TOGARAM2: variants seen among roughly 807,000 people sequenced by gnomAD.
The protein encoded by TOGARAM2 is TOG array regulator of axonemal microtubules 2.
TOGARAM2 carries 85 observed loss-of-function variants against 93.3 expected under a neutral mutation model. That is an observed-to-expected ratio of 0.91 (90% CI 0.76 to 1.09). The LOEUF is 1.09. TOGARAM2 is among the 50% of genes least tolerant of loss of function. The pLI is 0.00. For missense variants in TOGARAM2, 1,277 were observed against 1,334.5 expected (o/e 0.96, Z 0.67); for synonymous variants, 593 against 552.8 (o/e 1.07, Z -1.02).
chr2:29,028,591 T>A (rs1414367794), intron 14 of TOGARAM2, among the ~76,000 whole-genome samples: 2 of 151,852 alleles, frequency 1.3e-5, no homozygotes, highest in East Asian at 3.9e-4. Flanking sequence ...TGAGTTTGAG[T>A]GTTTCTTTAC....
upstream of TOGARAM2, among the ~76,000 whole-genome samples, chr2:28,977,843 G>A (rs993731917): frequency 6.6e-6 from 1 of 152,146 alleles, no homozygotes; most frequent in Non-Finnish European, 1.5e-5. Flanking sequence ...GAGTCAGTAA[G>A]GACTCCCCTT....
chr2:28,989,691 C>T (rs1365683980), intron 1 of TOGARAM2, among the ~76,000 whole-genome samples: 2 of 152,190 alleles, frequency 1.3e-5, no homozygotes, highest in Non-Finnish European at 2.9e-5. Flanking sequence ...AGGTGTGAGC[C>T]ACCATGCCCA....
intron 1 of TOGARAM2, chr2:28,972,316 C>G (rs1366197195): frequency 6.6e-6 from 1 of 152,118 alleles, no homozygotes; most frequent in Non-Finnish European, 1.5e-5. Flanking sequence ...TTTGCTCTTT[C>G]GTCACTGAAC....
At chr2:29,006,134 T>TGC (rs1663793871) in intron 6 of TOGARAM2, among the ~76,000 whole-genome samples, 3 of 137,386 alleles carry the variant, frequency 2.2e-5, no homozygotes, top group Admixed American at 1.5e-4. Context: ...TGCATGTGTG[T>TGC]GAGAGCATGC....
intron 10 of TOGARAM2, 93 bp from the exon 11 acceptor site, chr2:29,022,065 C>A: frequency 6.5e-7 from 1 of 1,543,968 alleles, no homozygotes; most frequent in Non-Finnish European, 8.9e-7. Context: ...GGTGGTGGCA[C>A]GGCCTCCCAT....
Position 28,987,451 on chromosome 2 carries a change from A to G in TOGARAM2, c.-111+5913A>G, listed in dbSNP as rs144040062. Among the ~76,000 whole-genome samples the G allele has an allele frequency of 1.2e-4, 18 of 152,134 alleles. No homozygotes were observed. In the East Asian group the frequency reaches 2.5e-3, roughly 21 times the overall value. Reference sequence around the variant, plus strand: ...ACCGCAGGCATCCACCACCACGCCCAGCTAATTTTTTGTATTTTTAGTAGA... The same window carrying G: ...ACCGCAGGCATCCACCACCACGCCCGGCTAATTTTTTGTATTTTTAGTAGA... On this transcript the variant is annotated intron_variant, in intron 1 of 19. Coordinates refer to ENST00000379558, the MANE Select transcript of TOGARAM2 (RefSeq NM_199280.4).
At chr2:28,961,315 G>C (rs1174586995) in intron 1 of TOGARAM2, among the ~76,000 whole-genome samples, 1 of 152,044 alleles carries the variant, frequency 6.6e-6, no homozygotes, top group Non-Finnish European at 1.5e-5. Flanking sequence ...TTTAAAAAAA[G>C]CTTTGAGGTA....
intron 14 of TOGARAM2, among the ~76,000 whole-genome samples, chr2:29,027,412 C>T (rs572151182): frequency 8.3e-4 from 126 of 151,988 alleles, no homozygotes; most frequent in African/African-American, 1.5e-3. Context: ...ACTTCCTAGT[C>T]GAGGGAGACA....
chr2:29,038,862 A>C (rs1354713996), intron 18 of TOGARAM2, among the ~76,000 whole-genome samples: 10 of 152,222 alleles, frequency 6.6e-5, no homozygotes, highest in Admixed American at 6.5e-4. Context: ...AGGTTTTGAA[A>C]GTGTTCCTAA....
chr2:29,028,226 G>A (rs1180350878), intron 14 of TOGARAM2, among the ~76,000 whole-genome samples: 1 of 152,158 alleles, frequency 6.6e-6, no homozygotes, highest in Admixed American at 6.5e-5. Context: ...ACCTGTCAGG[G>A]CTCCAGAGGC....
intron 1 of TOGARAM2, among the ~76,000 whole-genome samples, chr2:28,975,185 A>G (rs1672008438): frequency 7.0e-6 from 1 of 142,244 alleles, no homozygotes; most frequent in South Asian, 2.2e-4. Flanking sequence ...TATTTTTTTA[A>G]TTTTTATTGT....
At chr2:29,003,839 C>T (rs1572673866) in intron 6 of TOGARAM2, among the ~76,000 whole-genome samples, 157 bp downstream of exon 6, 1 of 152,310 alleles carries the variant, frequency 6.6e-6, no homozygotes, top group East Asian at 1.9e-4. Flanking sequence ...AGCCACAGAC[C>T]TAGGGAGGTC....
At chr2:29,009,333 C>G (rs1339569434) in intron 6 of TOGARAM2, among the ~76,000 whole-genome samples, 1 of 152,222 alleles carries the variant, frequency 6.6e-6, no homozygotes, top group Admixed American at 6.5e-5. Flanking sequence ...GAGCTTCATC[C>G]TCCTGTAAGG....
Position 28,969,407 on chromosome 2 carries a change from C to T in TOGARAM2, c.-147+12710C>T, listed in dbSNP as rs141581912. On this transcript the variant is annotated intron_variant, in intron 1 of 6. Coordinates refer to the TOGARAM2 transcript ENST00000401723. ...AGTCAGAGGCAGGGGGCTTTGGTCC[C>T]GGGTGGGCAGCTTTCCCAAATGCAG... Among the ~76,000 whole-genome samples, 84 of 152,302 alleles carry T rather than the reference C, an allele frequency of 5.5e-4. 1 individual carries two copies. In the East Asian group the frequency reaches 0.015, roughly 28 times the overall value.
intron 4 of TOGARAM2, among the ~76,000 whole-genome samples, chr2:29,000,203 G>T (rs377709613): frequency 6.6e-6 from 1 of 152,078 alleles, no homozygotes; most frequent in African/African-American, 2.4e-5. Context: ...CTGAGATCTC[G>T]GTGTGAGGCA....
At chr2:29,018,253 A>C in intron 10 of TOGARAM2, 2 of 357,386 alleles carry the variant, frequency 5.6e-6, no homozygotes, top group Non-Finnish European at 1.0e-5. Context: ...ACACTAGACA[A>C]TAGCACCCAA....
At chr2:29,050,224 G>A (rs539123994) in intron 19 of TOGARAM2, 1 of 152,200 alleles carries the variant, frequency 6.6e-6, no homozygotes, top group African/African-American at 2.4e-5. Context: ...TGAGCGTGGA[G>A]GCGCATGCCT....
At chr2:28,982,672 C>T (rs560687633) in intron 1 of TOGARAM2, among the ~76,000 whole-genome samples, 5 of 152,274 alleles carry the variant, frequency 3.3e-5, no homozygotes, top group Admixed American at 1.3e-4. Flanking sequence ...CTGAGGGCAG[C>T]GCATCCTCCC....
At chr2:28,957,385 T>C (rs921076199) in intron 1 of TOGARAM2, among the ~76,000 whole-genome samples, 7 of 152,154 alleles carry the variant, frequency 4.6e-5, no homozygotes, top group African/African-American at 1.7e-4. Context: ...TTCGCCATGT[T>C]GGCCAGGCTA....
Sources: gnomAD v4.1 joint callset for allele counts (sites outside exome capture counted in the v4.1 genomes callset) on GRCh38, gnomAD v4.1.1 for gene constraint, MANE v1.5 for transcripts, NCBI Gene and HGNC (gene_info 2026-07-23, HGNC 2026-07-21) for gene names.